Variants in TGFBR3 observed in about 807,000 individuals in gnomAD.
The protein encoded by TGFBR3 is transforming growth factor beta receptor 3.
TGFBR3 carries 46 observed loss-of-function variants against 87.9 expected under a neutral mutation model. The observed-to-expected ratio is 0.52, with a 90% CI of 0.41 to 0.67. TGFBR3 has a LOEUF of 0.67. TGFBR3 is among the 30% of genes least tolerant of loss of function. The pLI, the probability that TGFBR3 is intolerant of heterozygous loss-of-function variation, is 0.00. For missense variants in TGFBR3, 866 were observed against 1,041.9 expected (o/e 0.83, Z 2.32); for synonymous variants, 381 against 391.6 (o/e 0.97, Z 0.32).
At chr1:91,844,528 CA>C (rs1258751876) in intron 2 of TGFBR3, among the ~76,000 whole-genome samples, 1 of 152,214 alleles carries the variant, frequency 6.6e-6, no homozygotes, top group Non-Finnish European at 1.5e-5. Context: ...ACAGATACTA[CA>C]GGCAACAAAT....
rs780853579 is a variant in TGFBR3, at chr1:91,682,765, A to G, written c.*974T>C. ...CCAAATATACTTAAGTTGCAACTCT[A>G]AAAGCATAAGGACATTTTCAAATTT... On this transcript the variant is annotated 3_prime_UTR_variant, in exon 17 of 17. Transcript: ENST00000212355. 23 of 453,936 alleles carry G rather than the reference A, an allele frequency of 5.1e-5. No individual in the cohort carries two copies. The highest frequency in any genetic ancestry group is 3.6e-4 in the South Asian group (23 of 64,478). The allele number at this position is 453,936 out of a possible 1,614,324, so 28.1% of individuals were successfully genotyped here.
chr1:91,759,580 T>C (rs911567285), intron 3 of TGFBR3, among the ~76,000 whole-genome samples: 2 of 151,972 alleles, frequency 1.3e-5, no homozygotes, highest in Non-Finnish European at 2.9e-5. Flanking sequence ...CAGGGCAACA[T>C]GAACATAGGA....
chr1:91,821,358 G>A (rs1178184534), intron 2 of TGFBR3, among the ~76,000 whole-genome samples: 7 of 147,450 alleles, frequency 4.7e-5, no homozygotes, highest in African/African-American at 1.2e-4. Flanking sequence ...AAAAAGTAAT[G>A]GCAAAAAACA....
rs563781931 is a variant in TGFBR3 at position 91,696,511 on chromosome 1, T to C, written c.2330-732A>G. On this transcript the variant is annotated intron_variant, in intron 15 of 16. Transcript: ENST00000212355. ...TTTTATGGTCAGCAAAACATATAAA[T>C]AGAACCAATTGTTTCTCCATTTGGC... Among the ~76,000 whole-genome samples, 16 of 152,320 alleles carry C rather than the reference T, an allele frequency of 1.1e-4. No individual in the cohort carries two copies. The South Asian group carries it at 3.3e-3, about 32-fold the overall frequency.
At chr1:91,725,911 C>G (rs1475797088) in intron 7 of TGFBR3, among the ~76,000 whole-genome samples, 1 of 152,180 alleles carries the variant, frequency 6.6e-6, no homozygotes, top group East Asian at 1.9e-4. Context: ...GAGCAGGTAC[C>G]TTTCCCTCAC....
At chr1:91,760,670 G>C (rs1673926166) in intron 3 of TGFBR3, among the ~76,000 whole-genome samples, 1 of 152,124 alleles carries the variant, frequency 6.6e-6, no homozygotes, top group Non-Finnish European at 1.5e-5. Flanking sequence ...TTTTATATCT[G>C]GCATAAGCAT....
intron 3 of TGFBR3, among the ~76,000 whole-genome samples, chr1:91,788,260 G>A (rs1675048518): frequency 6.6e-6 from 1 of 152,174 alleles, no homozygotes; most frequent in African/African-American, 2.4e-5. Flanking sequence ...TGGACCCCAG[G>A]GACCCTCTAG....
chr1:91,857,020 T>C (rs1406790015), intron 2 of TGFBR3, among the ~76,000 whole-genome samples: 1 of 152,190 alleles, frequency 6.6e-6, no homozygotes, highest in Non-Finnish European at 1.5e-5. Context: ...GAGGTGATGA[T>C]AATAATAATA....
chr1:91,817,880 G>GAAAAA (rs5776119), intron 2 of TGFBR3, among the ~76,000 whole-genome samples: 1 of 139,106 alleles, frequency 7.2e-6, no homozygotes. Flanking sequence ...ACTGATAACA[G>GAAAAA]AAAAAAAAAA....
chr1:91,709,365 A>C (rs558680823), intron 13 of TGFBR3, among the ~76,000 whole-genome samples: 1 of 152,354 alleles, frequency 6.6e-6, no homozygotes, highest in South Asian at 2.1e-4. Context: ...CACAAAGCTT[A>C]TTTCATAACA....
At chr1:91,691,763 G>A (rs1671273337) in intron 16 of TGFBR3, among the ~76,000 whole-genome samples, 1 of 152,200 alleles carries the variant, frequency 6.6e-6, no homozygotes, top group Admixed American at 6.5e-5. Flanking sequence ...GCAGGTCAGA[G>A]GCTCCAGGAA....
At position 91,681,186 on chromosome 1, in the gene TGFBR3, A is replaced by C. The variant is rs1361653988; in HGVS notation, c.*2553T>G. 1 of 453,650 alleles carries C rather than the reference A, an allele frequency of 2.2e-6. No individual in the cohort carries two copies. Among genetic ancestry groups the C allele is most frequent in the Admixed American group, 2.4e-5 (1 of 42,508 alleles). The allele number at this position is 453,650 out of a possible 1,614,324, so 28.1% of individuals were successfully genotyped here. On this transcript the variant is annotated 3_prime_UTR_variant, in exon 17 of 17. Coordinates refer to ENST00000212355, the MANE Select transcript of TGFBR3 (RefSeq NM_003243.5). Reference sequence around the variant, plus strand: ...AGTAGAGCTTGTACTTTGTATTAAAACTGTAAAGTGTGAAGCAATTAGAAA... The same window carrying C: ...AGTAGAGCTTGTACTTTGTATTAAACCTGTAAAGTGTGAAGCAATTAGAAA...
intron 2 of TGFBR3, 125 bp from the exon 3 acceptor site, chr1:91,797,596 C>A: frequency 1.0e-6 from 1 of 1,000,390 alleles, no homozygotes; most frequent in Non-Finnish European, 1.6e-6. Flanking sequence ...TGTTCCAAGA[C>A]TAAGTGGCCA....
chr1:91,882,466 C>T (rs1213155505), intron 1 of TGFBR3, among the ~76,000 whole-genome samples: 1 of 151,776 alleles, frequency 6.6e-6, no homozygotes, highest in African/African-American at 2.4e-5. Context: ...CAAGTTTGGC[C>T]AGGCACCGTG....
At chr1:91,743,961 T>C (rs373149597) in intron 4 of TGFBR3, among the ~76,000 whole-genome samples, 12 of 152,202 alleles carry the variant, frequency 7.9e-5, no homozygotes, top group Admixed American at 7.2e-4. Context: ...AAATGTAAAA[T>C]GCATACCACT....
intron 1 of TGFBR3, among the ~76,000 whole-genome samples, chr1:91,863,262 C>A (rs952481667): frequency 6.6e-6 from 1 of 152,152 alleles, no homozygotes; most frequent in African/African-American, 2.4e-5. Context: ...CAGGAGGCCA[C>A]TATGGTTCAA....
At chr1:91,799,486 G>A (rs1350689251) in intron 2 of TGFBR3, among the ~76,000 whole-genome samples, 1 of 152,188 alleles carries the variant, frequency 6.6e-6, no homozygotes, top group Non-Finnish European at 1.5e-5. Context: ...CAGCCGCAGT[G>A]GGATGTCTGG....
chr1:91,876,313 T>C (rs183709814), intron 1 of TGFBR3, among the ~76,000 whole-genome samples: 315 of 152,300 alleles, frequency 2.1e-3, no homozygotes, highest in Non-Finnish European at 2.6e-3. Context: ...GGGCTGATCT[T>C]CTGGCAGTGG....
At chr1:91,811,139 C>T (rs1676016939) in intron 2 of TGFBR3, among the ~76,000 whole-genome samples, 1 of 152,052 alleles carries the variant, frequency 6.6e-6, no homozygotes, top group African/African-American at 2.4e-5. Flanking sequence ...AGTGAGACCT[C>T]ATCTCTACAA....
Sources: allele counts gnomAD v4.1 joint callset (sites outside exome capture counted in the v4.1 genomes callset), GRCh38; gene constraint gnomAD v4.1.1; transcripts MANE v1.5; gene names NCBI Gene and HGNC (gene_info 2026-07-23, HGNC 2026-07-21).